WDR72: variants seen among roughly 807,000 people sequenced by gnomAD.
WDR72 encodes WD repeat-containing protein 72.
Under a neutral mutation model 124.2 loss-of-function variants are expected in WDR72, and 120 were observed. That is an observed-to-expected ratio of 0.97 (90% CI 0.83 to 1.12). The LOEUF is 1.12. Among genes scored for constraint, WDR72 ranks in the 50% most tolerant of loss-of-function variants. WDR72 has a pLI of 0.00. For missense variants in WDR72, 1,387 were observed against 1,278.8 expected, an observed-to-expected ratio of 1.08 and a Z score of -1.29; for synonymous variants, 452 against 441.7, an observed-to-expected ratio of 1.02 and a Z score of -0.29.
At chr15:53,647,130 T>C (rs1419696795) in intron 14 of WDR72, among the ~76,000 whole-genome samples, 4 of 152,118 alleles carry the variant, frequency 2.6e-5, no homozygotes, top group Non-Finnish European at 5.9e-5. Context: ...TAGAAAATCA[T>C]ATAACTCCAT....
chr15:53,710,513 A>C (rs1389484447), intron 9 of WDR72, among the ~76,000 whole-genome samples: 1 of 152,204 alleles, frequency 6.6e-6, no homozygotes, highest in Non-Finnish European at 1.5e-5. Flanking sequence ...CAATCAAAAT[A>C]GGTAAATACA....
At chr15:53,610,547 C>T (rs1176185994) in intron 16 of WDR72, among the ~76,000 whole-genome samples, 1 of 150,394 alleles carries the variant, frequency 6.6e-6, no homozygotes, top group African/African-American at 2.5e-5. Context: ...TTCATCAAAT[C>T]CCTATTTTTA....
At chr15:53,600,076 A>T (rs1042922720) in intron 17 of WDR72, among the ~76,000 whole-genome samples, 1 of 152,190 alleles carries the variant, frequency 6.6e-6, no homozygotes, top group Non-Finnish European at 1.5e-5. Context: ...GTGTGAGATG[A>T]GAGAAAGGCT....
chr15:53,760,186 C>T (rs2019035142), upstream of WDR72, among the ~76,000 whole-genome samples: 2 of 151,946 alleles, frequency 1.3e-5, no homozygotes, highest in South Asian at 4.1e-4. Context: ...TCCAATTATA[C>T]TCTTTTAGTT....
At chr15:53,529,165 T>TATATATATATATATATATATATATA (rs1555404361) in intron 18 of WDR72, among the ~76,000 whole-genome samples, 6 of 89,050 alleles carry the variant, frequency 6.7e-5, no homozygotes, top group African/African-American at 2.3e-4. Context: ...TATATATATA[T>TATATATATATATATATATATATATA]TTTTTTTTTT....
At chr15:53,617,872 T>C (rs1236798019) in intron 14 of WDR72, among the ~76,000 whole-genome samples, 1 of 151,968 alleles carries the variant, frequency 6.6e-6, no homozygotes, top group African/African-American at 2.4e-5. Flanking sequence ...GATACCTTCA[T>C]AAACAATAAA....
At chr15:53,711,761 TC>T (rs1199579726) in intron 7 of WDR72, among the ~76,000 whole-genome samples, 1 of 152,180 alleles carries the variant, frequency 6.6e-6, no homozygotes, top group African/African-American at 2.4e-5. Flanking sequence ...TTTTATTCTT[TC>T]CATAATGAGT....
intron 18 of WDR72, among the ~76,000 whole-genome samples, chr15:53,575,243 G>C (rs17662369): frequency 2.0e-5 from 3 of 151,814 alleles, no homozygotes; most frequent in Non-Finnish European, 4.4e-5. Context: ...AAAACTCTCA[G>C]GTGTAAATGT....
intron 14 of WDR72, among the ~76,000 whole-genome samples, chr15:53,621,639 G>A (rs534596851): frequency 6.6e-6 from 1 of 151,864 alleles, no homozygotes; most frequent in African/African-American, 2.4e-5. Context: ...GGGACACAGG[G>A]GGAAAAGGTG....
rs968799054 is a variant in WDR72, at chr15:53,757,932, G to A, written c.-13+1701C>T. The stretch of plus-strand genomic sequence containing the variant: ...GCATTCAGTTCATTGGGTAGAGACC[G>A]TTAATGGAAGATTTCACACACAGGG... On this transcript the variant is annotated intron_variant, in intron 1 of 19. Transcript: ENST00000360509. Among the ~76,000 whole-genome samples, 61 of 152,010 alleles carry A rather than the reference G, an allele frequency of 4.0e-4. 1 individual carries two copies. The highest frequency in any genetic ancestry group is 1.4e-3 in the African/African-American group (57 of 41,364).
At chr15:53,543,436 T>C (rs1169299566) in intron 18 of WDR72, among the ~76,000 whole-genome samples, 1 of 152,092 alleles carries the variant, frequency 6.6e-6, no homozygotes, top group African/African-American at 2.4e-5. Context: ...AAGATGTTCT[T>C]TGAAACCAAC....
chr15:53,673,277 T>A (rs189312115), intron 13 of WDR72, among the ~76,000 whole-genome samples: 1 of 152,102 alleles, frequency 6.6e-6, no homozygotes, highest in African/African-American at 2.4e-5. Flanking sequence ...GTCCACTAAG[T>A]CTATGAAAAA....
chr15:53,562,032 T>C (rs1894141622), intron 18 of WDR72, among the ~76,000 whole-genome samples: 1 of 151,806 alleles, frequency 6.6e-6, no homozygotes, highest in South Asian at 2.1e-4. Flanking sequence ...CATTAATACA[T>C]TTTTATCTCA....
rs1894699965 is a variant in WDR72 at position 53,575,033 on chromosome 15, ACACACAC to A, written c.3148+22039_3148+22045del. On this transcript the variant is annotated intron_variant, in intron 18 of 19. Transcript: ENST00000360509. ...CACACACACACACACACACACACAC[ACACACAC>A]ATTTAAAATGTATGTATACACATAC... is the stretch of plus-strand genomic sequence containing the variant. Among the ~76,000 whole-genome samples, 3 of 151,786 alleles carry A rather than the reference ACACACAC, an allele frequency of 2.0e-5. No homozygotes were observed. In the South Asian group the frequency reaches 6.2e-4, roughly 32 times the overall value.
chr15:53,559,432 A>G (rs1482694628), intron 18 of WDR72, among the ~76,000 whole-genome samples: 1 of 152,048 alleles, frequency 6.6e-6, no homozygotes, highest in Non-Finnish European at 1.5e-5. Context: ...TGTAGGAAAA[A>G]GCTCATTTGC....
intron 2 of WDR72, among the ~76,000 whole-genome samples, chr15:53,726,563 C>A (rs1966951): frequency 0.51 from 77,790 of 151,948 alleles, 20,311 homozygotes; most frequent in South Asian, 0.58. Context: ...CGATGCTGGC[C>A]AAGCATGGTG....
At chr15:53,743,139 A>G (rs117165496) in intron 1 of WDR72, among the ~76,000 whole-genome samples, 217 of 152,022 alleles carry the variant, frequency 1.4e-3, no homozygotes, top group Non-Finnish European at 2.6e-3. Flanking sequence ...TGTATATCCT[A>G]CCATTTTCAC....
chr15:53,559,409 T>C lies in WDR72; in HGVS notation c.3149-36087A>G, dbSNP rs564203793. Among the ~76,000 whole-genome samples the C allele has an allele frequency of 3.9e-5, 6 of 152,186 alleles. No individual in the cohort carries two copies. In the South Asian group the frequency reaches 6.2e-4, roughly 16 times the overall value. The stretch of plus-strand genomic sequence containing the variant: ...AGTCTCCCCAACAGACTCTTATTTT[T>C]CCTTACAATATCTGTAGGAAAAAGC... On this transcript the variant is annotated intron_variant, in intron 18 of 19. Coordinates refer to ENST00000360509, the MANE Select transcript of WDR72 (RefSeq NM_182758.4).
intron 1 of WDR72, among the ~76,000 whole-genome samples, chr15:53,742,557 T>A (rs2018537754): frequency 6.6e-6 from 1 of 152,164 alleles, no homozygotes; most frequent in South Asian, 2.1e-4. Context: ...AAATCTCATC[T>A]ATTTAAAGGC....
Sources: allele counts gnomAD v4.1 joint callset (sites outside exome capture counted in the v4.1 genomes callset), GRCh38; gene constraint gnomAD v4.1.1; transcripts MANE v1.5; gene names NCBI Gene and HGNC (gene_info 2026-07-23, HGNC 2026-07-21).